Variants in CNTLN observed in about 807,000 individuals in gnomAD.
CNTLN encodes centlein.
Under a neutral mutation model 180.0 loss-of-function variants are expected in CNTLN, and 212 were observed. The ratio of observed to expected loss-of-function variants is 1.18; its 90% CI spans 1.05 to 1.32. The LOEUF (loss-of-function observed/expected upper bound fraction) is 1.32. Ranked by LOEUF, CNTLN falls within the 40% of genes most tolerant of loss-of-function variation. The pLI, the probability that CNTLN is intolerant of heterozygous loss-of-function variation, is 0.00. For missense variants in CNTLN, 2,095 were observed against 1,610.9 expected (o/e 1.30, Z -5.14); for synonymous variants, 722 against 563.1 (o/e 1.28, Z -3.99).
At chr9:17,140,627 G>C (rs1481149353) in intron 1 of CNTLN, among the ~76,000 whole-genome samples, 2 of 151,954 alleles carry the variant, frequency 1.3e-5, no homozygotes, top group Admixed American at 1.3e-4. Flanking sequence ...TTTTTGTGGC[G>C]ATGGGGGTCT....
chr9:17,190,042 C>T (rs1052776678), intron 2 of CNTLN, among the ~76,000 whole-genome samples: 3 of 151,556 alleles, frequency 2.0e-5, no homozygotes, highest in African/African-American at 7.3e-5. Context: ...TATTGCCTGG[C>T]AAATTCTACC....
chr9:17,467,477 A>G (rs972273275), intron 23 of CNTLN, among the ~76,000 whole-genome samples: 2 of 151,626 alleles, frequency 1.3e-5, no homozygotes, highest in Admixed American at 1.3e-4. Context: ...CACGAAGAGG[A>G]AATTCCTTAC....
intron 5 of CNTLN, among the ~76,000 whole-genome samples, chr9:17,271,959 A>G (rs1027728857): frequency 1.3e-5 from 2 of 151,928 alleles, no homozygotes; most frequent in African/African-American, 4.8e-5. Flanking sequence ...TATTCTGTAT[A>G]TTTATAGTCC....
chr9:17,349,680 A>G (rs1213322880), intron 12 of CNTLN, among the ~76,000 whole-genome samples: 1 of 152,134 alleles, frequency 6.6e-6, no homozygotes, highest in Admixed American at 6.6e-5. Flanking sequence ...AGTTCCTATA[A>G]TATTTCATTT....
chr9:17,429,972 A>G (rs1395017220), intron 18 of CNTLN, among the ~76,000 whole-genome samples: 1 of 152,026 alleles, frequency 6.6e-6, no homozygotes, highest in Non-Finnish European at 1.5e-5. Context: ...AAAAATTTCA[A>G]CTTCAGAATA....
At chr9:17,179,026 C>T (rs888829041) in intron 2 of CNTLN, among the ~76,000 whole-genome samples, 5 of 151,394 alleles carry the variant, frequency 3.3e-5, no homozygotes, top group African/African-American at 7.3e-5. Flanking sequence ...GGGCGGATCA[C>T]GAGGTCAGGA....
At chr9:17,268,523 G>T (rs574453641) in intron 5 of CNTLN, among the ~76,000 whole-genome samples, 5 of 152,204 alleles carry the variant, frequency 3.3e-5, no homozygotes, top group Admixed American at 6.5e-5. Flanking sequence ...CCCGTTCTCA[G>T]ATCTCTAGCC....
intron 2 of CNTLN, among the ~76,000 whole-genome samples, chr9:17,180,879 C>G: frequency 6.6e-6 from 1 of 152,044 alleles, no homozygotes; most frequent in Admixed American, 6.6e-5. Flanking sequence ...CATGCCCCTT[C>G]CTTCTGGTTT....
At chr9:17,522,802 A>G in the CNTLN span, among the ~76,000 whole-genome samples, 1 of 152,194 alleles carries the variant, frequency 6.6e-6, no homozygotes, top group African/African-American at 2.4e-5. Context: ...GCGTGTATCC[A>G]ACGCTGCCCC....
the CNTLN span, among the ~76,000 whole-genome samples, chr9:17,509,300 G>A: frequency 6.6e-6 from 1 of 152,152 alleles, no homozygotes. Context: ...TGATTACATT[G>A]GACCACTGCC....
rs1826358201 is a variant in CNTLN, at chr9:17,394,635, C to G, written c.2181C>G (p.Ser727=). ...KLMKENDFLK[S]LLKQQQEDTE... The stretch of plus-strand genomic sequence containing the variant: ...TGAAAGAAAATGATTTTCTGAAATC[C>G]CTCTTAAAACAGCAACAAGAAGATA... The change falls in exon 15 of 26, where the codon TCC becomes TCG. Residue 727 remains serine (S), a synonymous_variant. Coordinates refer to ENST00000380647, the MANE Select transcript of CNTLN (RefSeq NM_017738.4). The G allele has an allele frequency of 6.2e-7, 1 of 1,601,170 alleles. No individual in the cohort carries two copies. Among genetic ancestry groups the G allele is most frequent in the Admixed American group, 1.7e-5 (1 of 58,334 alleles).
At chr9:17,449,708 G>A (rs1830677264) in intron 18 of CNTLN, among the ~76,000 whole-genome samples, 1 of 152,114 alleles carries the variant, frequency 6.6e-6, no homozygotes, top group Non-Finnish European at 1.5e-5. Flanking sequence ...ATACTTGTGG[G>A]AACAGAAGTT....
intron 13 of CNTLN, among the ~76,000 whole-genome samples, chr9:17,375,817 C>G (rs1471792280): frequency 2.0e-5 from 3 of 152,160 alleles, no homozygotes; most frequent in South Asian, 2.1e-4. Flanking sequence ...GAATGTCTCA[C>G]TGCTCAAATT....
In CNTLN at chr9:17,182,875, A is replaced by G. The variant is rs1277092494; in HGVS notation, c.449+39499A>G. ...GCCATGAAGCTGTATTCAGTTGGGC[A>G]TAATTAGTCATGTGAATTCTAGTGG... On this transcript the variant is annotated intron_variant, in intron 2 of 25. Transcript: ENST00000380647. Among the ~76,000 whole-genome samples the G allele has an allele frequency of 2.0e-5, 3 of 152,344 alleles. No individual in the cohort carries two copies. The South Asian group carries it at 6.2e-4, about 32-fold the overall frequency.
At chr9:17,294,318 C>G (rs1817635760) in intron 6 of CNTLN, among the ~76,000 whole-genome samples, 1 of 151,990 alleles carries the variant, frequency 6.6e-6, no homozygotes, top group South Asian at 2.1e-4. Flanking sequence ...GCTGATTGGT[C>G]CATTTTACAG....
At chr9:17,367,379 A>T (rs899904429) in intron 13 of CNTLN, among the ~76,000 whole-genome samples, 1 of 146,260 alleles carries the variant, frequency 6.8e-6, no homozygotes, top group Non-Finnish European at 1.5e-5. Context: ...TTACCACAGG[A>T]CTTTGGGGCT....
intron 12 of CNTLN, among the ~76,000 whole-genome samples, chr9:17,353,924 G>A (rs915239532): frequency 7.2e-5 from 11 of 152,304 alleles, no homozygotes; most frequent in African/African-American, 2.4e-4. Flanking sequence ...CAGCTTACAG[G>A]GAGGTGTGGA....
At chr9:17,454,241 G>A (rs1588034372) in intron 18 of CNTLN, among the ~76,000 whole-genome samples, 1 of 152,022 alleles carries the variant, frequency 6.6e-6, no homozygotes, top group South Asian at 2.1e-4. Flanking sequence ...TTAATAGATA[G>A]TGTCTAGTTT....
the CNTLN span, among the ~76,000 whole-genome samples, chr9:17,526,735 A>G: frequency 1.9e-5 from 2 of 104,140 alleles, no homozygotes; most frequent in African/African-American, 2.5e-5. Context: ...ATAGTAAAAC[A>G]TGTAAAAAAA....
Sources: gnomAD v4.1 joint callset for allele counts (sites outside exome capture counted in the v4.1 genomes callset) on GRCh38, gnomAD v4.1.1 for gene constraint, MANE v1.5 for transcripts, NCBI Gene and HGNC (gene_info 2026-07-23, HGNC 2026-07-21) for gene names.